The following MDFIC variants were observed in gnomAD, a reference collection of about 807,000 sequenced individuals.
The protein encoded by MDFIC is myoD family inhibitor domain-containing protein.
A neutral mutation model predicts 23.2 loss-of-function variants in MDFIC; 17 were observed. That is an observed-to-expected ratio of 0.73 (90% confidence interval 0.50 to 1.10). The LOEUF (loss-of-function observed/expected upper bound fraction) is 1.10, where lower values mean the gene tolerates loss of function less well. Ranked by LOEUF, MDFIC falls within the 50% of genes least tolerant of loss-of-function variation. The pLI, the probability that MDFIC is intolerant of heterozygous loss-of-function variation, is 0.00. For missense variants in MDFIC, 356 were observed against 316.6 expected, an observed-to-expected ratio of 1.12 and a Z score of -0.95; for synonymous variants, 120 against 115.2, an observed-to-expected ratio of 1.04 and a Z score of -0.27.
intron 4 of MDFIC, chr7:115,014,032 A>G: frequency 2.0e-6 from 2 of 985,396 alleles, no homozygotes; most frequent in Non-Finnish European, 1.2e-6. Context: ...AAAGAAAGGA[A>G]AGAACAGTGT....
Position 114,956,219 on chromosome 7 carries a change from A to C in MDFIC, c.217+13822A>C, listed in dbSNP as rs563641056. ...TTACCACTAGTATTAATAAGACTGC[A>C]TTCTGCCCTTGTGTTGGCAAGAGAA... On this transcript the variant is annotated intron_variant, in intron 3 of 4. Coordinates refer to ENST00000393486, the MANE Select transcript of MDFIC (RefSeq NM_001166345.3). Among the ~76,000 whole-genome samples, 84 of 152,286 alleles carry C rather than the reference A, an allele frequency of 5.5e-4. 1 individual carries two copies. Among genetic ancestry groups the C allele is most frequent in the African/African-American group, 1.7e-3 (72 of 41,562 alleles).
chr7:114,967,418 G>A (rs748844933), intron 3 of MDFIC, among the ~76,000 whole-genome samples: 10 of 152,332 alleles, frequency 6.6e-5, no homozygotes, highest in Admixed American at 2.6e-4. Flanking sequence ...GCCTGAAGCT[G>A]CATCATAGAC....
rs536270532 is a variant in MDFIC at position 114,989,473 on chromosome 7, A to G, written c.493+9692A>G. Among the ~76,000 whole-genome samples the G allele has an allele frequency of 8.5e-5, 13 of 152,290 alleles. 1 individual carries two copies. The highest frequency in any genetic ancestry group is 3.1e-4 in the African/African-American group (13 of 41,562). Reference sequence around the variant, plus strand: ...GTTTTAAGATAGGAACAATTTCAGTATGTTTACATTCAGCTGGAAAAGATC... The same window carrying G: ...GTTTTAAGATAGGAACAATTTCAGTGTGTTTACATTCAGCTGGAAAAGATC... On this transcript the variant is annotated intron_variant, in intron 4 of 4. Coordinates refer to ENST00000393486, the MANE Select transcript of MDFIC (RefSeq NM_001166345.3).
intron 4 of MDFIC, among the ~76,000 whole-genome samples, chr7:114,987,815 G>A (rs1223500211): frequency 1.3e-5 from 2 of 151,932 alleles, no homozygotes; most frequent in African/African-American, 2.4e-5. Flanking sequence ...AAAAAATAAA[G>A]CAATTATCCA....
At chr7:114,924,314 A>G (rs929048456) in intron 2 of MDFIC, among the ~76,000 whole-genome samples, 1 of 152,246 alleles carries the variant, frequency 6.6e-6, no homozygotes, top group Non-Finnish European at 1.5e-5. Flanking sequence ...CTTAGTAGTC[A>G]TATCGACTCA....
intron 2 of MDFIC, among the ~76,000 whole-genome samples, chr7:114,929,723 C>G (rs1792272381): frequency 6.6e-6 from 1 of 152,164 alleles, no homozygotes; most frequent in Non-Finnish European, 1.5e-5. Context: ...GCATGGAAGA[C>G]TTCTCTTGCT....
chr7:114,922,667 A>C, intron 1 of MDFIC, 31 bp downstream of exon 1: 1 of 1,321,484 alleles, frequency 7.6e-7, no homozygotes, highest in East Asian at 3.1e-5. Context: ...GGGGAAGAGG[A>C]GGGGTTTGAT....
At chr7:114,986,451 C>T (rs1198227020) in intron 4 of MDFIC, among the ~76,000 whole-genome samples, 2 of 152,116 alleles carry the variant, frequency 1.3e-5, no homozygotes, top group Non-Finnish European at 1.5e-5. Flanking sequence ...TAGAAAAGCC[C>T]ATAAAGTGAT....
chr7:114,968,975 G>A (rs34430485), intron 3 of MDFIC, among the ~76,000 whole-genome samples: 64,023 of 151,932 alleles, frequency 0.42, 13,981 homozygotes, highest in South Asian at 0.54. Flanking sequence ...ATCTCAAGGA[G>A]ATACCAGTTT....
Position 114,922,929 on chromosome 7 carries a change from G to C in MDFIC, c.-105G>C. 6.3e-7 allele frequency: 1 copy of C among 1,591,226 alleles called. No homozygotes were observed. Among genetic ancestry groups the C allele is most frequent in the South Asian group, 1.1e-5 (1 of 88,980 alleles). On this transcript the variant is annotated splice_region_variant and 5_prime_UTR_variant, in exon 2 of 5. Coordinates refer to ENST00000393486, the MANE Select transcript of MDFIC (RefSeq NM_001166345.3). ...AATTTTGTATATTTTTCCGCCAGAA[G>C]CAGTCAGTTCCCTGCACCCAGCACC...
chr7:114,928,543 A>C (rs1792241422), intron 2 of MDFIC, among the ~76,000 whole-genome samples: 1 of 152,228 alleles, frequency 6.6e-6, no homozygotes, highest in Non-Finnish European at 1.5e-5. Context: ...GTAGAAAACA[A>C]GGCTTGGGGG....
intron 4 of MDFIC, 30 bp from the exon 5 acceptor site, chr7:115,015,658 T>C: frequency 6.2e-7 from 1 of 1,608,742 alleles, no homozygotes; most frequent in Non-Finnish European, 8.5e-7. Flanking sequence ...TTTTTCTCAC[T>C]ATATGGTCTC....
At chr7:114,966,963 G>A (rs77604368) in intron 3 of MDFIC, among the ~76,000 whole-genome samples, 89 of 152,052 alleles carry the variant, frequency 5.9e-4, no homozygotes, top group African/African-American at 2.0e-3. Flanking sequence ...TCAAAAAGGC[G>A]TATTGGATTT....
intron 2 of MDFIC, among the ~76,000 whole-genome samples, chr7:114,939,445 G>A (rs1014272666): frequency 6.6e-6 from 1 of 152,172 alleles, no homozygotes; most frequent in Non-Finnish European, 1.5e-5. Context: ...ATCATACAGA[G>A]AATGATAGTC....
chr7:114,928,631 A>G (rs1792244014), intron 2 of MDFIC, among the ~76,000 whole-genome samples: 1 of 152,198 alleles, frequency 6.6e-6, no homozygotes, highest in Non-Finnish European at 1.5e-5. Flanking sequence ...AAGATAGCCT[A>G]AAGTCAGTTT....
At chr7:114,945,167 G>C (rs1792620759) in intron 3 of MDFIC, among the ~76,000 whole-genome samples, 1 of 152,174 alleles carries the variant, frequency 6.6e-6, no homozygotes, top group Admixed American at 6.5e-5. Context: ...CGTTGTGCCG[G>C]ATGGCTGCTG....
chr7:114,938,231 C>T (rs1226621035), intron 2 of MDFIC, among the ~76,000 whole-genome samples: 1 of 152,198 alleles, frequency 6.6e-6, no homozygotes, highest in African/African-American at 2.4e-5. Context: ...GCTGGGATTA[C>T]AGGCGTGAGC....
chr7:114,963,507 T>A (rs1424309792), intron 3 of MDFIC, among the ~76,000 whole-genome samples: 1 of 152,166 alleles, frequency 6.6e-6, no homozygotes, highest in African/African-American at 2.4e-5. Flanking sequence ...AACTAAAAAA[T>A]TTCCCTTGAT....
In MDFIC at chr7:115,019,224, C is replaced by T. The variant is rs757913282; in HGVS notation, c.*3289C>T. 1.3e-5 allele frequency: 2 copies of T among 151,794 alleles called. No individual in the cohort carries two copies. Among genetic ancestry groups the T allele is most frequent in the African/African-American group, 2.4e-5 (1 of 41,368 alleles). The allele number at this position is 151,794 out of a possible 1,614,324, so 9.4% of individuals were successfully genotyped here. ...AATTTTCATCTAAGGCATAGAGTGGCGAAATTTTTGTAAATGCTCGCAGTT... is the reference window on the plus strand; with the variant it reads ...AATTTTCATCTAAGGCATAGAGTGGTGAAATTTTTGTAAATGCTCGCAGTT... On this transcript the variant is annotated 3_prime_UTR_variant, in exon 5 of 5. Transcript: ENST00000393486.
Sources: allele counts gnomAD v4.1 joint callset (sites outside exome capture counted in the v4.1 genomes callset), GRCh38; gene constraint gnomAD v4.1.1; transcripts MANE v1.5; gene names NCBI Gene and HGNC (gene_info 2026-07-23, HGNC 2026-07-21).